The following EHBP1L1 variants were observed in gnomAD, a reference collection of about 807,000 sequenced individuals.
EHBP1L1 encodes the protein EH domain-binding protein 1-like protein 1.
EHBP1L1 carries 122 observed loss-of-function variants against 151.1 expected under a neutral mutation model. That is an observed-to-expected ratio of 0.81 (90% CI 0.70 to 0.94). The LOEUF (loss-of-function observed/expected upper bound fraction) is 0.94, where lower values mean the gene tolerates loss of function less well. Among genes scored for constraint, EHBP1L1 ranks in the 40% least tolerant of loss-of-function variants. EHBP1L1 has a pLI of 0.00. For synonymous variants in EHBP1L1, 878 were observed against 810.1 expected (o/e 1.08, Z -1.42); for missense variants, 1,941 against 1,959.8 (o/e 0.99, Z 0.18).
rs1217118468 is a variant in EHBP1L1 at position 65,592,313 on chromosome 11, C to T, written c.*11C>T. On this transcript the variant is annotated 3_prime_UTR_variant, in exon 19 of 19. Transcript: ENST00000309295. ...TGCGTGCTGAGCTGAGGCCGCCGGCCCGGGTGGCCCATAACTTCTCGCGTC... is the reference window on the plus strand; with the variant it reads ...TGCGTGCTGAGCTGAGGCCGCCGGCTCGGGTGGCCCATAACTTCTCGCGTC... 1 of 1,462,128 alleles carries T rather than the reference C, an allele frequency of 6.8e-7. No homozygotes were observed. Among genetic ancestry groups the T allele is most frequent in the Admixed American group, 2.6e-5 (1 of 38,122 alleles). 90.6% of individuals were successfully genotyped at this position (1,462,128 alleles called of 1,614,324 possible).
chr11:65,583,524 C>T lies in EHBP1L1; in HGVS notation c.2852C>T (p.Ala951Val), dbSNP rs745831704. The change falls in exon 9 of 19, where the codon GCT becomes GTT. Residue 951 changes from alanine (A) to valine (V), a missense_variant. Transcript: ENST00000309295. ...GGGATGTCAGAGGGCAAATCTGGGG[C>T]TTGGGGGGCCCAGGAAGCAGAGATG... is the stretch of plus-strand genomic sequence containing the variant. ...VWGMSEGKSG[A>V]WGAQEAEMKV... The T allele has an allele frequency of 1.2e-6, 2 of 1,612,860 alleles. No homozygotes were observed. Among genetic ancestry groups the T allele is most frequent in the Admixed American group, 1.7e-5 (1 of 59,906 alleles).
Position 65,583,388 on chromosome 11 carries a change from GTCAC to G in EHBP1L1, c.2720_2723del (p.Thr907SerfsTer5). The G allele has an allele frequency of 6.2e-7, 1 of 1,613,648 alleles. No individual in the cohort carries two copies. Among genetic ancestry groups the G allele is most frequent in the Non-Finnish European group, 8.5e-7 (1 of 1,179,758 alleles). On this transcript the variant is annotated frameshift_variant, in exon 9 of 19. Coordinates refer to ENST00000309295, the MANE Select transcript of EHBP1L1 (RefSeq NM_001099409.3). LOFTEE classifies it high-confidence loss of function. ...CAAATATGAGGCTTTAAGGGCCCCA[GTCAC>G]TCAGCCAAGAGTTTTAGGATCCCAG... is the stretch of plus-strand genomic sequence containing the variant.
intron 16 of EHBP1L1, among the ~76,000 whole-genome samples, 196 bp downstream of exon 16, chr11:65,590,788 C>T (rs1858233169): frequency 6.6e-6 from 1 of 152,246 alleles, no homozygotes; most frequent in Admixed American, 6.5e-5. Context: ...GTAATCCCAG[C>T]ACCTGGGGAG....
At chr11:65,584,123 C>G (rs1857798954) in intron 9 of EHBP1L1, 118 bp from the exon 10 acceptor site, 4 of 1,503,310 alleles carry the variant, frequency 2.7e-6, no homozygotes. Flanking sequence ...CCAGTGGTCT[C>G]TGGTGACCCC....
chr11:65,591,797 CAGCAT>C lies in EHBP1L1; in HGVS notation c.4284-2_4286del. 2 of 1,467,374 alleles carry C rather than the reference CAGCAT, an allele frequency of 1.4e-6. No homozygotes were observed. Among genetic ancestry groups the C allele is most frequent in the Non-Finnish European group, 1.8e-6 (2 of 1,081,696 alleles). The allele number at this position is 1,467,374 out of a possible 1,614,324, so 90.9% of individuals were successfully genotyped here. ...CCGCCACCCACCCCCCGCCACCTTC[CAGCAT>C]GGAGGAGCAGGACTTGGAGCGAAGG... On this transcript the variant is annotated splice_acceptor_variant and coding_sequence_variant, in exon 17 of 19. Transcript: ENST00000309295. LOFTEE classifies it high-confidence loss of function.
rs773835677 is a variant in EHBP1L1, at chr11:65,592,218, C to T, written c.4488C>T (p.Asp1496=). The T allele has an allele frequency of 6.4e-6, 10 of 1,551,214 alleles. No homozygotes were observed. The highest frequency in any genetic ancestry group is 2.4e-5 in the East Asian group (1 of 41,488). ...DHKERIALEE[D]ERLERGLEQR... ...TTCTCCCCAGCGCCCTGGAGGAGGA[C>T]GAGCGCCTGGAGCGCGGCCTGGAAC... The change falls in exon 19 of 19, where the codon GAC becomes GAT. Residue 1496 remains aspartate, a synonymous_variant. Coordinates refer to ENST00000309295, the MANE Select transcript of EHBP1L1 (RefSeq NM_001099409.3).
intron 15 of EHBP1L1, 45 bp from the exon 16 acceptor site, chr11:65,590,448 C>T (rs1298413845): frequency 6.3e-7 from 1 of 1,597,460 alleles, no homozygotes; most frequent in Non-Finnish European, 8.5e-7. Context: ...CCTACCCTGA[C>T]ACGGGGCAGG....
intron 12 of EHBP1L1, among the ~76,000 whole-genome samples, chr11:65,586,054 G>C (rs561253821): frequency 6.6e-6 from 1 of 152,290 alleles, no homozygotes; most frequent in East Asian, 1.9e-4. Flanking sequence ...CCATGAGCTG[G>C]GTGCAGACTA....
chr11:65,585,337 C>CAA lies in EHBP1L1; in HGVS notation c.3679_3680insAA (p.Arg1227GlnfsTer15). The CAA allele has an allele frequency of 9.0e-7, 1 of 1,112,724 alleles. No individual in the cohort carries two copies. Among genetic ancestry groups the CAA allele is most frequent in the Non-Finnish European group, 1.1e-6 (1 of 911,752 alleles). 68.9% of individuals were successfully genotyped at this position (1,112,724 alleles called of 1,614,324 possible). A position where few individuals can be genotyped will look rare whatever the true frequency, so the allele number is the denominator to read the frequency against. ...CAAGGACGGCGGGGCCGAGGCCCCCCGAGAGTCGCGACCCGCGGAGGTCCC... is the reference window on the plus strand; with the variant it reads ...CAAGGACGGCGGGGCCGAGGCCCCCCAAGAGAGTCGCGACCCGCGGAGGTCCC... On this transcript the variant is annotated frameshift_variant, in exon 12 of 19. Transcript: ENST00000309295. LOFTEE classifies it high-confidence loss of function. This position sits in a 1 kb window ranked among gnomAD's most constrained non-coding sequence, Gnocchi z 4.0.
rs1315840191 is a variant in EHBP1L1, at chr11:65,581,193, C to T, written c.704-18C>T. ...GGTCACTGGGCCCAGGCCACAGTGTCCCCCTCTTTCTTCTCAGTTGCCAGC... is the reference window on the plus strand; with the variant it reads ...GGTCACTGGGCCCAGGCCACAGTGTTCCCCTCTTTCTTCTCAGTTGCCAGC... On this transcript the variant is annotated intron_variant, in intron 7 of 18. Transcript: ENST00000309295. 2 of 1,609,238 alleles carry T rather than the reference C, an allele frequency of 1.2e-6. No homozygotes were observed. The highest frequency in any genetic ancestry group is 1.1e-5 in the South Asian group (1 of 90,838).
At chr11:65,579,045 C>T in intron 1 of EHBP1L1, 33 bp from the exon 2 acceptor site, 2 of 1,557,396 alleles carry the variant, frequency 1.3e-6, no homozygotes, top group Non-Finnish European at 8.7e-7. Flanking sequence ...AAGCAGCCTG[C>T]TCCCTTTCTC....
At position 65,592,265 on chromosome 11, in the gene EHBP1L1, G is replaced by C. The variant is rs1350923514; in HGVS notation, c.4535G>C (p.Arg1512Pro). 13 of 1,532,016 alleles carry C rather than the reference G, an allele frequency of 8.5e-6. No homozygotes were observed. The highest frequency in any genetic ancestry group is 1.0e-5 in the Non-Finnish European group (12 of 1,145,550). 94.9% of individuals were successfully genotyped at this position (1,532,016 alleles called of 1,614,324 possible). A position where few individuals can be genotyped will look rare whatever the true frequency, so the allele number is the denominator to read the frequency against. Residue 1512 changes from arginine (R) to proline (P), a missense_variant, in exon 19 of 19, where the codon CGG (arginine) becomes CCG (proline). By Grantham distance (103) the Arg-to-Pro change is moderately radical (BLOSUM62 -2). Transcript: ENST00000309295. Reference protein sequence around the residue: ...GLEQRRRKLSRQLSRRERCVL... With the variant: ...GLEQRRRKLSPQLSRRERCVL... Reference sequence around the variant, plus strand: ...GAACAGCGGCGCCGCAAGCTGAGCCGGCAGTTGAGCCGGCGGGAGCGCTGC... The same window carrying C: ...GAACAGCGGCGCCGCAAGCTGAGCCCGCAGTTGAGCCGGCGGGAGCGCTGC...
chr11:65,581,257 T>C lies in EHBP1L1; in HGVS notation c.750T>C (p.Ser250=). ...NAEDTSPAPV[S]APAPPARTSR... is the part of the protein sequence containing the mutation. The stretch of plus-strand genomic sequence containing the variant: ...AGGATACCAGCCCAGCCCCTGTGAG[T>C]GCTCCTGCACCCCCAGCCAGAACCT... Residue 250 remains serine (S), a synonymous_variant, in exon 8 of 19, where the codon AGT becomes AGC. Coordinates refer to ENST00000309295, the MANE Select transcript of EHBP1L1 (RefSeq NM_001099409.3). The C allele has an allele frequency of 6.2e-7, 1 of 1,611,402 alleles. No homozygotes were observed. Among genetic ancestry groups the C allele is most frequent in the Non-Finnish European group, 8.5e-7 (1 of 1,179,270 alleles).
chr11:65,584,459 A>T, intron 10 of EHBP1L1, 27 bp from the exon 11 acceptor site: 1 of 1,613,550 alleles, frequency 6.2e-7, no homozygotes, highest in South Asian at 1.1e-5. Context: ...GTGTGGACCC[A>T]GCCTCTGACC....
Position 65,585,683 on chromosome 11 carries a change from G to C in EHBP1L1, c.3933+92G>C, listed in dbSNP as rs1298046066. On this transcript the variant is annotated intron_variant, in intron 12 of 18. Coordinates refer to ENST00000309295, the MANE Select transcript of EHBP1L1 (RefSeq NM_001099409.3). This position sits in a 1 kb window ranked among gnomAD's most constrained non-coding sequence, Gnocchi z 4.0. ...CGGGCGAGCCCCCAAGGGGCCCCAA[G>C]GACAGAGCTGGCGCGAGGGTGACGG... 2.0e-6 allele frequency: 3 copies of C among 1,499,310 alleles called. No homozygotes were observed. The highest frequency in any genetic ancestry group is 2.7e-6 in the Non-Finnish European group (3 of 1,125,448). 92.9% of individuals were successfully genotyped at this position (1,499,310 alleles called of 1,614,324 possible).
chr11:65,585,314 A>C lies in EHBP1L1; in HGVS notation c.3656A>C (p.Lys1219Thr), dbSNP rs1192242649. 1.9e-4 allele frequency: 205 copies of C among 1,078,082 alleles called. No individual in the cohort carries two copies. The highest frequency in any genetic ancestry group is 2.2e-4 in the Non-Finnish European group (198 of 890,686). The allele number at this position is 1,078,082 out of a possible 1,614,324, so 66.8% of individuals were successfully genotyped here. The change falls in exon 12 of 19, where the codon AAG (lysine) becomes ACG (threonine). Residue 1219 changes from lysine (K) to threonine (T), a missense_variant. Lys to Thr is a moderately conservative substitution (Grantham distance 78). Transcript: ENST00000309295. This position sits in a 1 kb window ranked among gnomAD's most constrained non-coding sequence, Gnocchi z 4.0. ...SRNAVAGRAS[K>T]DGGAEAPRES... is the part of the protein sequence containing the mutation. Reference sequence around the variant, plus strand: ...AACGCGGTCGCGGGCCGCGCCTCCAAGGACGGCGGGGCCGAGGCCCCCCGA... The same window carrying C: ...AACGCGGTCGCGGGCCGCGCCTCCACGGACGGCGGGGCCGAGGCCCCCCGA...
chr11:65,581,791 G>C lies in EHBP1L1; in HGVS notation c.1119G>C (p.Arg373Ser), dbSNP rs1176078849. 3 of 1,613,252 alleles carry C rather than the reference G, an allele frequency of 1.9e-6. No individual in the cohort carries two copies. Residue 373 changes from arginine to serine, a missense_variant, in exon 9 of 19, where the codon AGG becomes AGC. By Grantham distance (110) the Arg-to-Ser change is moderately radical (BLOSUM62 -1). Coordinates refer to ENST00000309295, the MANE Select transcript of EHBP1L1 (RefSeq NM_001099409.3). ...EDKGSGDPFG[R>S]QRLKAEEMDT... ...AAGGTTCTGGAGACCCTTTTGGAAG[G>C]CAGAGACTCAAGGCTGAAGAGATGG...
In EHBP1L1 at chr11:65,580,333, C is replaced by T. The variant is rs1291059896; in HGVS notation, c.492-4C>T. The T allele has an allele frequency of 6.2e-7, 1 of 1,613,620 alleles. No individual in the cohort carries two copies. The highest frequency in any genetic ancestry group is 8.5e-7 in the Non-Finnish European group (1 of 1,179,836). On this transcript the variant is annotated splice_polypyrimidine_tract_variant and splice_region_variant and intron_variant, in intron 5 of 18. Coordinates refer to ENST00000309295, the MANE Select transcript of EHBP1L1 (RefSeq NM_001099409.3). ...CACCCTCACCTTTAACCTCTGCCTC[C>T]CAGGGACGATGACATGCAGAGTCTC...
Position 65,582,323 on chromosome 11 carries a change from G to A in EHBP1L1, c.1651G>A (p.Gly551Arg), listed in dbSNP as rs770919286. Residue 551 changes from glycine to arginine, a missense_variant, in exon 9 of 19, where the codon GGG becomes AGG. Physicochemically the swap from Gly to Arg is moderately radical, Grantham distance 125. Coordinates refer to ENST00000309295, the MANE Select transcript of EHBP1L1 (RefSeq NM_001099409.3). The part of the protein sequence containing the change: ...WQGALLSTAQ[G>R]AISRGLGGWE... ...GGGGGCCCTGTTATCAACTGCCCAG[G>A]GGGCAATATCCAGGGGTCTGGGAGG... The A allele has an allele frequency of 5.8e-6, 9 of 1,547,868 alleles. No homozygotes were observed. The Admixed American group carries it at 1.7e-4, about 29-fold the overall frequency.
Sources: gnomAD v4.1 joint callset for allele counts (sites outside exome capture counted in the v4.1 genomes callset) on GRCh38, gnomAD v4.1.1 for gene constraint, Gnocchi (gnomAD v3.1) non-coding constraint, MANE v1.5 for transcripts, NCBI Gene and HGNC (gene_info 2026-07-23, HGNC 2026-07-21) for gene names.